NLGN1: variants seen among roughly 807,000 people sequenced by gnomAD.
NLGN1 encodes the protein neuroligin-1.
Under a neutral mutation model 65.5 loss-of-function variants are expected in NLGN1, and 12 were observed. That is an observed-to-expected ratio of 0.18 (90% confidence interval 0.12 to 0.30). NLGN1 has a LOEUF of 0.30. Among genes scored for constraint, NLGN1 ranks in the 10% least tolerant of loss-of-function variants. The probability of loss-of-function intolerance (pLI) is 1.00; values close to 1 mark genes in which losing one functional copy is unlikely to be tolerated. For synonymous variants in NLGN1, 350 were observed against 359.5 expected (o/e 0.97, Z 0.30); for missense variants, 750 against 1,007.1 (o/e 0.74, Z 3.46).
chr3:173,574,053 A>T (rs1186114053), intron 2 of NLGN1, among the ~76,000 whole-genome samples: 4 of 132,798 alleles, frequency 3.0e-5, no homozygotes, highest in African/African-American at 8.6e-5. Context: ...ATAGAGCGAG[A>T]CTCCACCTCA....
intron 4 of NLGN1, among the ~76,000 whole-genome samples, chr3:173,886,664 T>G (rs1734386180): frequency 1.3e-5 from 2 of 151,978 alleles, no homozygotes; most frequent in Admixed American, 1.3e-4. Flanking sequence ...AAATATAAAA[T>G]AGGGATGAGT....
chr3:173,497,389 A>AAAAT lies in NLGN1; in HGVS notation c.-321+62340_-321+62343dup, dbSNP rs1247870942. 6.0e-3 allele frequency among the ~76,000 whole-genome samples: 880 copies of AAAAT among 146,206 alleles called. 33 individuals are homozygous for AAAAT. Among genetic ancestry groups the AAAAT allele is most frequent in the African/African-American group, 0.021 (827 of 39,962 alleles). ...GGCGACAAGTGTGAAACTCCATCTC[A>AAAAT]AAATAAATAAATAAATAAATAAATA... On this transcript the variant is annotated intron_variant, in intron 2 of 6. Coordinates refer to ENST00000457714, the Ensembl canonical transcript of NLGN1.
chr3:174,031,260 T>G (rs1273522495), intron 4 of NLGN1, among the ~76,000 whole-genome samples: 9 of 152,256 alleles, frequency 5.9e-5, no homozygotes, highest in Non-Finnish European at 1.2e-4. Flanking sequence ...ATTTCTACTC[T>G]GAGCCAGGCT....
intron 4 of NLGN1, among the ~76,000 whole-genome samples, chr3:173,889,051 G>C (rs753107597): frequency 6.6e-6 from 1 of 152,046 alleles, no homozygotes; most frequent in African/African-American, 2.4e-5. Context: ...AATTTGAAAC[G>C]AAAATTGAAG....
chr3:174,105,696 GATATCT>G (rs576719092), intron 4 of NLGN1, among the ~76,000 whole-genome samples: 1 of 151,730 alleles, frequency 6.6e-6, no homozygotes, highest in Admixed American at 6.6e-5. Context: ...TGTAGATATA[GATATCT>G]ATATCTATAT....
chr3:173,604,322 A>G (rs376117077), exon 3 of NLGN1: 6 of 411,538 alleles, frequency 1.5e-5, no homozygotes, highest in East Asian at 8.2e-5. Context: ...TAAGAGAGAA[A>G]TCTGCAGTCA....
intron 1 of NLGN1, among the ~76,000 whole-genome samples, chr3:173,423,916 T>C (rs972769535): frequency 1.3e-5 from 2 of 152,178 alleles, no homozygotes; most frequent in African/African-American, 2.4e-5. Flanking sequence ...GCAGAGGTTC[T>C]CCACGAGGAC....
chr3:174,064,548 G>T (rs1248115274), intron 4 of NLGN1, among the ~76,000 whole-genome samples: 1 of 150,408 alleles, frequency 6.6e-6, no homozygotes, highest in Non-Finnish European at 1.5e-5. Context: ...TAATTACAAT[G>T]CTTATTAATT....
chr3:174,071,203 T>G (rs1444075503), intron 4 of NLGN1, among the ~76,000 whole-genome samples: 1 of 152,196 alleles, frequency 6.6e-6, no homozygotes, highest in Non-Finnish European at 1.5e-5. Flanking sequence ...TTTTTGACAC[T>G]TTAGCATTTA....
chr3:173,434,942 G>A (rs538721903), intron 1 of NLGN1: 1 of 152,702 alleles, frequency 6.5e-6, no homozygotes, highest in East Asian at 1.9e-4. Context: ...TTGAAAATAC[G>A]TAGTTGCTCA....
chr3:173,737,756 C>G (rs548946445), intron 3 of NLGN1, among the ~76,000 whole-genome samples: 1 of 152,120 alleles, frequency 6.6e-6, no homozygotes, highest in East Asian at 1.9e-4. Flanking sequence ...TTTTATTTCT[C>G]TCAGATTGTC....
intron 4 of NLGN1, among the ~76,000 whole-genome samples, chr3:173,898,599 C>T (rs1432086675): frequency 6.6e-6 from 1 of 152,188 alleles, no homozygotes; most frequent in African/African-American, 2.4e-5. Context: ...GTAGTAGCTT[C>T]TAGCTCTGGG....
chr3:173,914,904 T>G (rs1326702999), intron 4 of NLGN1: 4 of 152,210 alleles, frequency 2.6e-5, no homozygotes, highest in African/African-American at 9.6e-5. Context: ...TGTGGTGGTG[T>G]TCCTTAGAAG....
rs575579918 is a variant in NLGN1, at chr3:173,752,940, C to T, written c.494-54740C>T. 3.2e-3 allele frequency among the ~76,000 whole-genome samples: 492 copies of T among 152,174 alleles called. 3 individuals carry two copies. Among genetic ancestry groups the T allele is most frequent in the Middle Eastern group, 0.02 (6 of 294 alleles). On this transcript the variant is annotated intron_variant, in intron 3 of 6. Coordinates refer to ENST00000457714, the Ensembl canonical transcript of NLGN1. ...CTCTCCTCCGATACCTACCATCTAC[C>T]CCATCCCTTCCCTTATACTCCAAGA...
intron 4 of NLGN1, among the ~76,000 whole-genome samples, chr3:174,226,546 G>A (rs1455145293): frequency 1.3e-5 from 2 of 152,010 alleles, no homozygotes; most frequent in Non-Finnish European, 2.9e-5. Flanking sequence ...TGCAACGTTG[G>A]GGAACTATTG....
chr3:173,939,308 G>A (rs1198121489), intron 4 of NLGN1, among the ~76,000 whole-genome samples: 1 of 152,118 alleles, frequency 6.6e-6, no homozygotes, highest in African/African-American at 2.4e-5. Context: ...CCCTTCAACT[G>A]AAAAGAATCA....
intron 4 of NLGN1, among the ~76,000 whole-genome samples, chr3:173,857,246 T>C (rs2150775515): frequency 6.6e-6 from 1 of 152,080 alleles, no homozygotes; most frequent in South Asian, 2.1e-4. Context: ...AGTGTTACTG[T>C]TGATAGAATT....
At chr3:173,472,818 C>T (rs568675310) in intron 2 of NLGN1, among the ~76,000 whole-genome samples, 2 of 152,202 alleles carry the variant, frequency 1.3e-5, no homozygotes, top group East Asian at 3.9e-4. Context: ...AAAGAATTGT[C>T]TGTACTATGT....
At chr3:174,183,345 C>A (rs955459889) in intron 4 of NLGN1, among the ~76,000 whole-genome samples, 1 of 152,088 alleles carries the variant, frequency 6.6e-6, no homozygotes, top group South Asian at 2.1e-4. Flanking sequence ...CCCAAGAGAG[C>A]CCCTATTTTG....
Sources: allele counts gnomAD v4.1 joint callset (sites outside exome capture counted in the v4.1 genomes callset), GRCh38; gene constraint gnomAD v4.1.1; transcripts MANE v1.5; gene names NCBI Gene and HGNC (gene_info 2026-07-23, HGNC 2026-07-21).